The following CDK14 variants were observed in gnomAD, a reference collection of about 807,000 sequenced individuals.
CDK14 encodes the protein cyclin-dependent kinase 14.
In CDK14, 34 loss-of-function variants were observed where a neutral mutation model predicts 60.7. That is an observed-to-expected ratio of 0.56 (90% CI 0.43 to 0.75). The LOEUF (loss-of-function observed/expected upper bound fraction) is 0.75. CDK14 is among the 30% of genes least tolerant of loss of function. CDK14 has a pLI of 0.00. For synonymous variants in CDK14, 197 were observed against 203.7 expected, an observed-to-expected ratio of 0.97 and a Z score of 0.28; for missense variants, 482 against 564.1, an observed-to-expected ratio of 0.85 and a Z score of 1.47.
chr7:91,196,350 G>A (rs1802541438), intron 14 of CDK14, among the ~76,000 whole-genome samples: 1 of 152,110 alleles, frequency 6.6e-6, no homozygotes, highest in African/African-American at 2.4e-5. Flanking sequence ...GGCAGGTCAA[G>A]CCAGTTCCAG....
intron 5 of CDK14, among the ~76,000 whole-genome samples, chr7:90,826,018 C>G (rs1775161709): frequency 6.6e-6 from 1 of 152,076 alleles, no homozygotes; most frequent in African/African-American, 2.4e-5. Flanking sequence ...AGAATTTCTT[C>G]CAGAGAAGTT....
intron 2 of CDK14, among the ~76,000 whole-genome samples, chr7:90,612,370 C>T (rs993519510): frequency 1.3e-5 from 2 of 152,106 alleles, no homozygotes; most frequent in Admixed American, 1.3e-4. Context: ...ATGGTCTCAG[C>T]CTGACTCTTG....
chr7:91,196,249 G>A (rs916485121), intron 14 of CDK14, among the ~76,000 whole-genome samples: 5 of 152,212 alleles, frequency 3.3e-5, no homozygotes, highest in African/African-American at 9.6e-5. Flanking sequence ...ATATCCTGTC[G>A]TGTAGATACT....
At chr7:90,892,787 A>G (rs777719575) in intron 6 of CDK14, among the ~76,000 whole-genome samples, 45 of 151,962 alleles carry the variant, frequency 3.0e-4, no homozygotes, top group Non-Finnish European at 5.0e-4. Flanking sequence ...TTTTGTTTTT[A>G]TTTTTGTTTT....
chr7:90,659,337 C>G (rs1800814049), intron 2 of CDK14, among the ~76,000 whole-genome samples: 1 of 152,122 alleles, frequency 6.6e-6, no homozygotes, highest in Non-Finnish European at 1.5e-5. Flanking sequence ...AAGTTTATAG[C>G]ATTTTCGCAG....
At chr7:90,644,151 G>C (rs1800408778) in intron 2 of CDK14, among the ~76,000 whole-genome samples, 1 of 152,210 alleles carries the variant, frequency 6.6e-6, no homozygotes, top group Non-Finnish European at 1.5e-5. Context: ...GCTAGGAAAA[G>C]GGTCCTGACC....
At chr7:90,946,686 G>T (rs1794111374) in intron 8 of CDK14, among the ~76,000 whole-genome samples, 2 of 152,166 alleles carry the variant, frequency 1.3e-5, no homozygotes, top group Non-Finnish European at 2.9e-5. Flanking sequence ...ATTCACTTCA[G>T]TCCGGGCATT....
At position 90,750,357 on chromosome 7, in the gene CDK14, C is replaced by G. The variant is rs370490569; in HGVS notation, c.464+2582C>G. ...GTCTTGGCACCGCTGAAGGATCACA[C>G]TAACTCTCCAGCAATAATTCCTGAC... On this transcript the variant is annotated intron_variant, in intron 4 of 14. Transcript: ENST00000380050. Among the ~76,000 whole-genome samples the G allele has an allele frequency of 3.3e-5, 5 of 152,278 alleles. No individual in the cohort carries two copies. In the East Asian group the frequency reaches 7.7e-4, roughly 23 times the overall value.
intron 7 of CDK14, among the ~76,000 whole-genome samples, chr7:90,905,795 A>C (rs1220612608): frequency 6.6e-6 from 1 of 152,120 alleles, no homozygotes; most frequent in Non-Finnish European, 1.5e-5. Context: ...GTTCATCATC[A>C]TTTTCATATT....
chr7:90,821,766 C>T (rs192281420), intron 5 of CDK14, among the ~76,000 whole-genome samples: 31 of 152,280 alleles, frequency 2.0e-4, no homozygotes, highest in African/African-American at 5.3e-4. Context: ...ATTAGACTTC[C>T]GGGGTCCCAT....
chr7:90,726,656 C>T lies in CDK14; in HGVS notation c.213C>T (p.Val71=), dbSNP rs750295045. Residue 71 remains valine, a synonymous_variant, in exon 3 of 15, where the codon GTC becomes GTT. Coordinates refer to ENST00000380050, the MANE Select transcript of CDK14 (RefSeq NM_001287135.2). Reference sequence around the variant, plus strand: ...ACACAATTCCTGAGGATAAAAAAGTCAGAGTTCAGAGGACACAGAGCACTT... The same window carrying T: ...ACACAATTCCTGAGGATAAAAAAGTTAGAGTTCAGAGGACACAGAGCACTT... ...PLDTIPEDKK[V]RVQRTQSTFD... is the part of the protein sequence containing the mutation. 82 of 1,613,680 alleles carry T rather than the reference C, an allele frequency of 5.1e-5. 2 individuals carry two copies. The South Asian group carries it at 8.5e-4, about 17-fold the overall frequency.
intron 8 of CDK14, among the ~76,000 whole-genome samples, chr7:90,935,278 A>C (rs1445369662): frequency 6.6e-6 from 1 of 152,228 alleles, no homozygotes; most frequent in African/African-American, 2.4e-5. Context: ...ATACTACTAA[A>C]ATGGCAAGTA....
rs1028903893 is a variant in CDK14, at chr7:90,709,775, T to G, written c.124-16792T>G. 2.1e-6 allele frequency: 3 copies of G among 1,427,948 alleles called. No homozygotes were observed. In the African/African-American group the frequency reaches 4.4e-5, roughly 21 times the overall value. 88.5% of individuals were successfully genotyped at this position (1,427,948 alleles called of 1,614,324 possible). A position where few individuals can be genotyped will look rare whatever the true frequency, so the allele number is the denominator to read the frequency against. On this transcript the variant is annotated intron_variant, in intron 2 of 14. Coordinates refer to ENST00000380050, the MANE Select transcript of CDK14 (RefSeq NM_001287135.2). ...TCTCTTAGGGGATTTCTGGGCTTTT[T>G]TTTTTTTGCTTGCTTATGCATCCCC...
intron 5 of CDK14, among the ~76,000 whole-genome samples, chr7:90,847,162 A>C (rs1312828883): frequency 1.3e-5 from 2 of 152,150 alleles, no homozygotes; most frequent in African/African-American, 2.4e-5. Context: ...TCTACTCCAG[A>C]GCTAACCTAC....
At chr7:90,845,344 A>T (rs1267027878) in intron 5 of CDK14, among the ~76,000 whole-genome samples, 9 of 152,136 alleles carry the variant, frequency 5.9e-5, no homozygotes, top group Admixed American at 5.9e-4. Flanking sequence ...ACATTTTTGG[A>T]CATCATTGTT....
chr7:91,147,159 C>T (rs1800670269), intron 14 of CDK14, among the ~76,000 whole-genome samples: 1 of 105,064 alleles, frequency 9.5e-6, no homozygotes, highest in African/African-American at 3.4e-5. Flanking sequence ...CTCTCTCTCT[C>T]TCTCACACAC....
At chr7:90,723,406 A>G (rs935226248) in intron 2 of CDK14, among the ~76,000 whole-genome samples, 4 of 152,156 alleles carry the variant, frequency 2.6e-5, no homozygotes. Context: ...AACTTGACTC[A>G]CAAGGTTGTT....
rs879926523 is a variant in CDK14, at chr7:90,750,171, CA to C, written c.464+2397del. Among the ~76,000 whole-genome samples the C allele has an allele frequency of 5.2e-3, 787 of 150,998 alleles. 3 individuals carry two copies. The highest frequency in any genetic ancestry group is 7.0e-3 in the Non-Finnish European group (472 of 67,578). On this transcript the variant is annotated intron_variant, in intron 4 of 14. Transcript: ENST00000380050. ...GAAAGAAAACACACACACACACACACACACACACACACACACACACACACAC... is the reference window on the plus strand; with the variant it reads ...GAAAGAAAACACACACACACACACACCACACACACACACACACACACACAC...
intron 12 of CDK14, among the ~76,000 whole-genome samples, chr7:91,106,621 A>T (rs1441375836): frequency 6.6e-6 from 1 of 152,254 alleles, no homozygotes; most frequent in Non-Finnish European, 1.5e-5. Context: ...CTGTGTCATT[A>T]GAATTAAAGT....
Sources: gnomAD v4.1 joint callset for allele counts (sites outside exome capture counted in the v4.1 genomes callset) on GRCh38, gnomAD v4.1.1 for gene constraint, MANE v1.5 for transcripts, NCBI Gene and HGNC (gene_info 2026-07-23, HGNC 2026-07-21) for gene names.